Variants in EPHX4 observed in about 807,000 individuals in gnomAD.
EPHX4 encodes the protein abhydrolase domain containing 7.
Under a neutral mutation model 44.9 loss-of-function variants are expected in EPHX4, and 31 were observed. The observed-to-expected ratio is 0.69, with a 90% CI of 0.52 to 0.93. The LOEUF is 0.93. EPHX4 is among the 40% of genes least tolerant of loss of function. The probability of loss-of-function intolerance (pLI) is 0.00; values close to 1 mark genes in which losing one functional copy is unlikely to be tolerated. For synonymous variants in EPHX4, 151 were observed against 159.7 expected, an observed-to-expected ratio of 0.95 and a Z score of 0.41; for missense variants, 373 against 438.1, an observed-to-expected ratio of 0.85 and a Z score of 1.33.
chr1:92,046,971 A>G (rs541828908), intron 4 of EPHX4, among the ~76,000 whole-genome samples: 15 of 152,218 alleles, frequency 9.9e-5, no homozygotes, highest in Admixed American at 2.0e-4. Context: ...ACAGGATCAA[A>G]AAATCACATT....
At chr1:92,035,460 C>G (rs561077045) in intron 2 of EPHX4, among the ~76,000 whole-genome samples, 1 of 152,144 alleles carries the variant, frequency 6.6e-6, no homozygotes, top group African/African-American at 2.4e-5. Flanking sequence ...AAATCTTTCA[C>G]GTGGCCCCAG....
intron 6 of EPHX4, among the ~76,000 whole-genome samples, chr1:92,056,258 T>C (rs1647362919): frequency 6.6e-6 from 1 of 152,178 alleles, no homozygotes; most frequent in Non-Finnish European, 1.5e-5. Context: ...TAGTACATTA[T>C]AGTCAGGCAT....
chr1:92,032,643 C>A, intron 2 of EPHX4, 53 bp downstream of exon 2: 1 of 1,441,828 alleles, frequency 6.9e-7, no homozygotes, highest in Non-Finnish European at 9.8e-7. Flanking sequence ...CTTATTTTCT[C>A]AGTTCATTTT....
At chr1:92,037,782 G>A (rs1381374226) in intron 2 of EPHX4, among the ~76,000 whole-genome samples, 2 of 152,168 alleles carry the variant, frequency 1.3e-5, no homozygotes, top group Non-Finnish European at 2.9e-5. Flanking sequence ...TTTCCTGAGT[G>A]TCCTCTGCTA....
intron 2 of EPHX4, among the ~76,000 whole-genome samples, chr1:92,036,623 C>T (rs1688441857): frequency 6.6e-6 from 1 of 152,210 alleles, no homozygotes; most frequent in Non-Finnish European, 1.5e-5. Flanking sequence ...AGGCATGAGT[C>T]TCTTCTGTTC....
chr1:92,034,299 CAAAAAAA>C (rs765695521), intron 2 of EPHX4, among the ~76,000 whole-genome samples: 1 of 52,748 alleles, frequency 1.9e-5, no homozygotes. Context: ...GATTCCGTCT[CAAAAAAA>C]AAAAAAAAAA....
At chr1:92,058,357 G>C (rs1647417151) in intron 6 of EPHX4, among the ~76,000 whole-genome samples, 1 of 151,302 alleles carries the variant, frequency 6.6e-6, no homozygotes, top group African/African-American at 2.4e-5. Flanking sequence ...AGGAGAATCA[G>C]TTGAACCTGG....
chr1:92,033,081 CTTT>C (rs35411599), intron 2 of EPHX4, among the ~76,000 whole-genome samples: 9 of 137,636 alleles, frequency 6.5e-5, no homozygotes, highest in East Asian at 2.2e-4. Flanking sequence ...CCACACCTAG[CTTT>C]TTTTTTTTTT....
intron 6 of EPHX4, among the ~76,000 whole-genome samples, chr1:92,059,767 A>G (rs1647448624): frequency 6.6e-6 from 1 of 152,194 alleles, no homozygotes; most frequent in African/African-American, 2.4e-5. Context: ...TGACTCTAAC[A>G]AAAGATGACC....
intron 6 of EPHX4, 48 bp downstream of exon 6, chr1:92,052,706 C>T: frequency 2.1e-6 from 3 of 1,455,434 alleles, no homozygotes; most frequent in Non-Finnish European, 2.8e-6. Flanking sequence ...CAGTCTGATC[C>T]TACAGGGACA....
intron 2 of EPHX4, among the ~76,000 whole-genome samples, chr1:92,034,299 C>CAA (rs765695521): frequency 9.5e-4 from 50 of 52,460 alleles, no homozygotes; most frequent in East Asian, 1.7e-3. Context: ...GATTCCGTCT[C>CAA]AAAAAAAAAA....
At chr1:92,052,858 C>T (rs1647292049) in intron 6 of EPHX4, among the ~76,000 whole-genome samples, 200 bp downstream of exon 6, 2 of 152,150 alleles carry the variant, frequency 1.3e-5, no homozygotes, top group Admixed American at 6.5e-5. Flanking sequence ...ACAAATCCTT[C>T]ATGTAGCTGT....
rs1381200667 is a variant in EPHX4 at position 92,063,192 on chromosome 1, C to T, written c.995C>T (p.Ser332Leu). 3 of 1,614,020 alleles carry T rather than the reference C, an allele frequency of 1.9e-6. No individual in the cohort carries two copies. In the Admixed American group the frequency reaches 5.0e-5, roughly 27 times the overall value. ...AACTATTTCAGGCTAACTATTTTGT[C>T]AGAAGCCAGTCATTGGCTTCAGCAA... ...VKNYFRLTIL[S>L]EASHWLQQDQ... Residue 332 changes from serine to leucine, a missense_variant, in exon 7 of 7, where the codon TCA becomes TTA. Transcript: ENST00000370383.
At chr1:92,037,016 T>C (rs1688448526) in intron 2 of EPHX4, among the ~76,000 whole-genome samples, 1 of 152,218 alleles carries the variant, frequency 6.6e-6, no homozygotes, top group Non-Finnish European at 1.5e-5. Context: ...GTTTAAGTTT[T>C]AAGACAAAAC....
chr1:92,033,448 G>A (rs1448894994), intron 2 of EPHX4, among the ~76,000 whole-genome samples: 2 of 152,128 alleles, frequency 1.3e-5, no homozygotes, highest in Non-Finnish European at 2.9e-5. Flanking sequence ...ACAACACTGG[G>A]TAGGGAAAGG....
At position 92,030,493 on chromosome 1, in the gene EPHX4, A is replaced by AT. The variant is rs1557880306; in HGVS notation, c.231+183_231+184insT. On this transcript the variant is annotated intron_variant, in intron 1 of 6. Transcript: ENST00000370383. The stretch of plus-strand genomic sequence containing the variant: ...GTGTGTGTGTGTGTGTGTGAGAGAG[A>AT]GAGAGAGAGAGAGAGATACAGATAA... Among the ~76,000 whole-genome samples, 193 of 20,526 alleles carry AT rather than the reference A, an allele frequency of 9.4e-3. 1 individual carries two copies. The highest frequency in any genetic ancestry group is 0.02 in the African/African-American group (152 of 7,658). The allele number at this position is 20,526 out of a possible 152,430, so 13.5% of individuals were successfully genotyped here.
chr1:92,058,646 G>A (rs929634670), intron 6 of EPHX4, among the ~76,000 whole-genome samples: 1 of 151,960 alleles, frequency 6.6e-6, no homozygotes. Flanking sequence ...GTATTTCTGG[G>A]AAACTGACCT....
intron 4 of EPHX4, among the ~76,000 whole-genome samples, chr1:92,046,229 C>T (rs546628391): frequency 1.2e-3 from 179 of 152,228 alleles, no homozygotes; most frequent in African/African-American, 4.2e-3. Flanking sequence ...TAAATGAAAG[C>T]TAACTACATC....
At chr1:92,043,726 G>A (rs1326700870) in intron 3 of EPHX4, 4 of 152,204 alleles carry the variant, frequency 2.6e-5, no homozygotes, top group Non-Finnish European at 4.4e-5. Flanking sequence ...ACCGTAGGCT[G>A]GACTCCTCTG....
Sources: allele counts gnomAD v4.1 joint callset (sites outside exome capture counted in the v4.1 genomes callset), GRCh38; gene constraint gnomAD v4.1.1; transcripts MANE v1.5; gene names NCBI Gene and HGNC (gene_info 2026-07-23, HGNC 2026-07-21).